The following ISX variants were observed in gnomAD, a reference collection of about 807,000 sequenced individuals.
ISX encodes the protein intestine specific homeobox, also known as intestine-specific homeobox.
In ISX, 15 loss-of-function variants were observed where a neutral mutation model predicts 16.9. That is an observed-to-expected ratio of 0.89 (90% CI 0.59 to 1.36). ISX has a LOEUF of 1.36. ISX is among the 40% of genes most tolerant of loss of function. The probability of loss-of-function intolerance (pLI) is 0.00; values close to 1 mark genes in which losing one functional copy is unlikely to be tolerated. For synonymous variants in ISX, 125 were observed against 119.7 expected (o/e 1.04, Z -0.29); for missense variants, 316 against 306.1 (o/e 1.03, Z -0.24).
rs760268946 is a variant in ISX, at chr22:35,067,144, G to A, written c.57G>A (p.Gly19=). 1.2e-6 allele frequency: 2 copies of A among 1,614,102 alleles called. No individual in the cohort carries two copies. The highest frequency in any genetic ancestry group is 1.7e-5 in the Admixed American group (1 of 60,030). Residue 19 remains glycine (G), a synonymous_variant, in exon 2 of 5, where the codon GGG becomes GGA. Coordinates refer to ENST00000404699, the MANE Select transcript of ISX (RefSeq NM_001303508.2). ...LCRGMERNSL[G]CCEAPKKLSL... is the part of the protein sequence containing the mutation. ...GGGGTATGGAGAGAAATAGCTTGGG[G>A]TGCTGTGAGGCCCCGAAGAAGCTGA...
At chr22:35,076,994 G>A (rs746601698) in intron 2 of ISX, among the ~76,000 whole-genome samples, 4 of 152,070 alleles carry the variant, frequency 2.6e-5, no homozygotes, top group South Asian at 2.1e-4. Context: ...CCTGCTTCTC[G>A]GCTTCTCTGC....
chr22:35,068,099 C>A (rs1928753789), intron 2 of ISX, among the ~76,000 whole-genome samples: 1 of 152,236 alleles, frequency 6.6e-6, no homozygotes, highest in South Asian at 2.1e-4. Flanking sequence ...CTGTCCACTG[C>A]AGCCTCAGGT....
intron 2 of ISX, among the ~76,000 whole-genome samples, chr22:35,071,992 T>C (rs1928865831): frequency 6.6e-6 from 1 of 152,228 alleles, no homozygotes; most frequent in Non-Finnish European, 1.5e-5. Context: ...TCTCATCACC[T>C]GGTGATTAAC....
chr22:35,079,779 C>T (rs115084789), intron 2 of ISX, among the ~76,000 whole-genome samples: 2,350 of 152,252 alleles, frequency 0.015, 54 homozygotes, highest in African/African-American at 0.054. Flanking sequence ...AGGGTTTGTG[C>T]CTTTTCTACA....
At chr22:35,075,383 A>G (rs1470867569) in intron 2 of ISX, among the ~76,000 whole-genome samples, 1 of 152,204 alleles carries the variant, frequency 6.6e-6, no homozygotes. Flanking sequence ...GCCTTTATAT[A>G]TGCACATCAG....
chr22:35,081,898 G>A lies in ISX; in HGVS notation c.230-620G>A, dbSNP rs1929130934. ...GGCCCCACATTTTCATCTTGCACTG[G>A]GCCCCACAAATGATGTAGCCAGCCC... On this transcript the variant is annotated intron_variant, in intron 2 of 4. Transcript: ENST00000404699. 2.6e-5 allele frequency among the ~76,000 whole-genome samples: 4 copies of A among 152,296 alleles called. No individual in the cohort carries two copies. The South Asian group carries it at 8.3e-4, about 32-fold the overall frequency.
At chr22:35,072,662 G>C (rs1928885995) in intron 2 of ISX, among the ~76,000 whole-genome samples, 2 of 152,186 alleles carry the variant, frequency 1.3e-5, no homozygotes, top group Non-Finnish European at 2.9e-5. Context: ...TAAAACATTG[G>C]CTATAATTTA....
intron 2 of ISX, among the ~76,000 whole-genome samples, chr22:35,080,112 C>T (rs796155552): frequency 2.6e-5 from 4 of 152,296 alleles, no homozygotes; most frequent in African/African-American, 9.6e-5. Flanking sequence ...TTTCCTCCTC[C>T]TTCAGAGGCC....
chr22:35,082,690 G>A, intron 3 of ISX, 21 bp downstream of exon 3: 1 of 1,613,200 alleles, frequency 6.2e-7, no homozygotes. Context: ...CCCTACCTCA[G>A]CCCCCAGCCT....
At chr22:35,068,565 C>T (rs1928768109) in intron 2 of ISX, among the ~76,000 whole-genome samples, 1 of 152,184 alleles carries the variant, frequency 6.6e-6, no homozygotes, top group South Asian at 2.1e-4. Flanking sequence ...AGTCTCTCCT[C>T]CTGCAGTTGT....
At chr22:35,083,479 A>G (rs1050855232) in intron 3 of ISX, among the ~76,000 whole-genome samples, 3 of 152,196 alleles carry the variant, frequency 2.0e-5, no homozygotes, top group African/African-American at 7.2e-5. Context: ...ACAGTAGCCC[A>G]TTGTCACTCA....
At chr22:35,072,955 T>C (rs1928891790) in intron 2 of ISX, among the ~76,000 whole-genome samples, 1 of 152,162 alleles carries the variant, frequency 6.6e-6, no homozygotes, top group Non-Finnish European at 1.5e-5. Context: ...ATGTCCACGG[T>C]GGTTCACTTG....
chr22:35,082,405 G>A (rs1929140905), intron 2 of ISX, 113 bp from the exon 3 acceptor site: 1 of 1,023,634 alleles, frequency 9.8e-7, no homozygotes, highest in Non-Finnish European at 1.5e-6. Flanking sequence ...GAAGCCAGGG[G>A]CCAAGGCTCG....
chr22:35,069,400 C>T (rs1165146278), intron 2 of ISX, among the ~76,000 whole-genome samples: 5 of 152,270 alleles, frequency 3.3e-5, no homozygotes, highest in East Asian at 1.9e-4. Flanking sequence ...CCCCAGTGCA[C>T]GGGAGGACCT....
intron 2 of ISX, among the ~76,000 whole-genome samples, chr22:35,068,504 A>C (rs1928766328): frequency 6.6e-6 from 1 of 152,196 alleles, no homozygotes; most frequent in Non-Finnish European, 1.5e-5. Flanking sequence ...AAGTTCATTA[A>C]TATCTTCCAG....
chr22:35,066,874 GT>G lies in ISX; in HGVS notation c.-213del. 1 of 552,584 alleles carries G rather than the reference GT, an allele frequency of 1.8e-6. No individual in the cohort carries two copies. The allele number at this position is 552,584 out of a possible 1,614,324, so 34.2% of individuals were successfully genotyped here. On this transcript the variant is annotated 5_prime_UTR_variant, in exon 2 of 5. Coordinates refer to ENST00000404699, the MANE Select transcript of ISX (RefSeq NM_001303508.2). ...ATGTCAAACTGGTAAGGGCTGAGCC[GT>G]GGGCACAGGATACCACTCCTTCCAG...
intron 3 of ISX, among the ~76,000 whole-genome samples, chr22:35,083,510 C>G (rs1299087424): frequency 6.6e-6 from 1 of 152,262 alleles, no homozygotes; most frequent in African/African-American, 2.4e-5. Context: ...TTCCTGCCCT[C>G]TTCACATGCA....
At chr22:35,085,174 A>C (rs1929219773) in intron 4 of ISX, among the ~76,000 whole-genome samples, 2 of 152,184 alleles carry the variant, frequency 1.3e-5, no homozygotes, top group Non-Finnish European at 2.9e-5. Flanking sequence ...TCTGAGAGGC[A>C]AAGTGACTTT....
In ISX at chr22:35,084,445, T is replaced by G. The variant is rs1449353210; in HGVS notation, c.444T>G (p.Ala148=). ...AGGAGAAGATTGGCAACCTGGGGGC[T>G]CCACAGCAGCTGAGTGAAGCCAGTG... ...RKQEKIGNLG[A]PQQLSEASVA... The change falls in exon 4 of 5, where the codon GCT becomes GCG. Residue 148 remains alanine, a synonymous_variant. Coordinates refer to ENST00000404699, the MANE Select transcript of ISX (RefSeq NM_001303508.2). The G allele has an allele frequency of 1.2e-6, 2 of 1,613,534 alleles. No homozygotes were observed. The highest frequency in any genetic ancestry group is 1.1e-5 in the South Asian group (1 of 90,960).
Sources: allele counts gnomAD v4.1 joint callset (sites outside exome capture counted in the v4.1 genomes callset), GRCh38; gene constraint gnomAD v4.1.1; transcripts MANE v1.5; gene names NCBI Gene and HGNC (gene_info 2026-07-23, HGNC 2026-07-21).